SOX5: variants seen among roughly 807,000 people sequenced by gnomAD.
SOX5 encodes transcription factor SOX-5.
SOX5 carries 9 observed loss-of-function variants against 92.0 expected under a neutral mutation model. The ratio of observed to expected loss-of-function variants is 0.10; its 90% CI spans 0.06 to 0.17. The LOEUF is 0.17. Ranked by LOEUF, SOX5 falls within the 10% of genes least tolerant of loss-of-function variation. The probability of loss-of-function intolerance (pLI) is 1.00; values close to 1 mark genes in which losing one functional copy is unlikely to be tolerated. For missense variants in SOX5, 642 were observed against 944.5 expected, an observed-to-expected ratio of 0.68 and a Z score of 4.20; for synonymous variants, 344 against 336.3, an observed-to-expected ratio of 1.02 and a Z score of -0.25.
chr12:24,547,984 AG>A (rs1015391054), intron 1 of SOX5, among the ~76,000 whole-genome samples: 4 of 152,242 alleles, frequency 2.6e-5, no homozygotes, highest in African/African-American at 9.6e-5. Flanking sequence ...CAAAGAATAA[AG>A]TTTATAACCA....
intron 1 of SOX5, among the ~76,000 whole-genome samples, chr12:23,902,504 C>A (rs2097246194): frequency 1.3e-5 from 2 of 152,126 alleles, no homozygotes; most frequent in East Asian, 3.8e-4. Context: ...CCATCCCTTC[C>A]TACCACCATG....
intron 11 of SOX5, among the ~76,000 whole-genome samples, chr12:23,550,643 T>C (rs754402292): frequency 5.3e-5 from 8 of 151,936 alleles, no homozygotes; most frequent in Non-Finnish European, 1.2e-4. Flanking sequence ...TTCCCCTCTT[T>C]GTCTATCATT....
chr12:23,788,747 G>T (rs1047898095), intron 3 of SOX5, among the ~76,000 whole-genome samples: 4 of 151,820 alleles, frequency 2.6e-5, no homozygotes, highest in Non-Finnish European at 5.9e-5. Context: ...ATTCTATATT[G>T]TTGAATAAAC....
chr12:23,715,983 A>G (rs535192861), intron 6 of SOX5, among the ~76,000 whole-genome samples: 5 of 152,314 alleles, frequency 3.3e-5, no homozygotes, highest in Admixed American at 1.3e-4. Context: ...TAAAATTTCC[A>G]TAAGTAAAAA....
intron 9 of SOX5, among the ~76,000 whole-genome samples, chr12:23,587,208 CTATT>C (rs573268022): frequency 1.1e-3 from 170 of 152,054 alleles, no homozygotes; most frequent in African/African-American, 4.0e-3. Context: ...TTTTCTAATA[CTATT>C]TACTCCTTGA....
At chr12:24,243,816 TAA>T (rs566596721) in intron 3 of SOX5, among the ~76,000 whole-genome samples, 47 of 152,224 alleles carry the variant, frequency 3.1e-4, no homozygotes, top group Admixed American at 5.9e-4. Context: ...ACTAATTCAA[TAA>T]AGTTTCTCCA....
At chr12:24,503,984 C>A (rs1223690473) in intron 1 of SOX5, among the ~76,000 whole-genome samples, 8 of 151,420 alleles carry the variant, frequency 5.3e-5, no homozygotes, top group Admixed American at 4.6e-4. Flanking sequence ...AAAAAAAAAA[C>A]AACACATTTT....
At position 23,941,940 on chromosome 12, in the gene SOX5, A is replaced by T. The variant is rs895494054; in HGVS notation, c.38+7624T>A. 5.6e-4 allele frequency among the ~76,000 whole-genome samples: 29 copies of T among 52,068 alleles called. No individual in the cohort carries two copies. In the South Asian group the frequency reaches 0.011, roughly 19 times the overall value. The allele number at this position is 52,068 out of a possible 152,430, so 34.2% of individuals were successfully genotyped here. On this transcript the variant is annotated intron_variant, in intron 1 of 14. Transcript: ENST00000451604. ...ATATTATGAAACTCACTAGCTAATA[A>T]AAAAAAAAAAATGACAAAGGGACCT...
intron 4 of SOX5, among the ~76,000 whole-genome samples, chr12:23,992,542 T>C (rs1238431905): frequency 1.3e-5 from 2 of 152,178 alleles, no homozygotes; most frequent in Non-Finnish European, 2.9e-5. Flanking sequence ...ATTCCATAAA[T>C]GCATCATCTA....
rs562750135 is a variant in SOX5, at chr12:24,127,260, G to A, written c.-2+86083C>T. Reference sequence around the variant, plus strand: ...ACAAAAATTAGCCAGGCATGGTGGCGCATGCCTGTAGTCCCAGCTACTGAG... The same window carrying A: ...ACAAAAATTAGCCAGGCATGGTGGCACATGCCTGTAGTCCCAGCTACTGAG... On this transcript the variant is annotated intron_variant, in intron 4 of 4. Coordinates refer to the SOX5 transcript ENST00000446891. Among the ~76,000 whole-genome samples, 422 of 151,560 alleles carry A rather than the reference G, an allele frequency of 2.8e-3. 3 individuals carry two copies. Among genetic ancestry groups the A allele is most frequent in the African/African-American group, 9.3e-3 (386 of 41,428 alleles).
intron 7 of SOX5, among the ~76,000 whole-genome samples, chr12:23,642,429 C>T (rs955690439): frequency 1.3e-5 from 2 of 152,110 alleles, no homozygotes; most frequent in African/African-American, 4.8e-5. Context: ...AGACAGCCTC[C>T]AGGAAAAGGT....
At chr12:23,821,733 T>C (rs1037465189) in intron 3 of SOX5, among the ~76,000 whole-genome samples, 3 of 152,216 alleles carry the variant, frequency 2.0e-5, no homozygotes, top group Admixed American at 1.3e-4. Flanking sequence ...CAGTATTTTA[T>C]TGAGGATTTT....
chr12:24,434,364 T>A (rs954266405), intron 1 of SOX5, among the ~76,000 whole-genome samples: 1 of 152,190 alleles, frequency 6.6e-6, no homozygotes, highest in African/African-American at 2.4e-5. Flanking sequence ...TAAGTCTGCC[T>A]GGGAGAGAAG....
intron 1 of SOX5, among the ~76,000 whole-genome samples, chr12:24,451,666 A>C (rs2137336144): frequency 6.6e-6 from 1 of 152,328 alleles, no homozygotes; most frequent in Non-Finnish European, 1.5e-5. Context: ...GGGTTTTAGA[A>C]GTCTGCAGGT....
chr12:23,727,916 A>T (rs1312296264), intron 6 of SOX5, among the ~76,000 whole-genome samples: 6 of 152,162 alleles, frequency 3.9e-5, no homozygotes, highest in Non-Finnish European at 8.8e-5. Context: ...ATGAAAATAT[A>T]TACACCTGTC....
In SOX5 at chr12:24,550,817, A is replaced by G. The variant is rs550519102; in HGVS notation, c.-251+11512T>C. On this transcript the variant is annotated intron_variant, in intron 1 of 4. Coordinates refer to the SOX5 transcript ENST00000446891. ...CCTTGTATTGCTAATTCTTTACACA[A>G]TCTCCTTTTATTTCCAAAGCAGTAT... is the stretch of plus-strand genomic sequence containing the variant. Among the ~76,000 whole-genome samples, 10 of 152,200 alleles carry G rather than the reference A, an allele frequency of 6.6e-5. No homozygotes were observed. In the East Asian group the frequency reaches 1.5e-3, roughly 23 times the overall value.
At chr12:23,876,677 A>G (rs1008028594) in intron 2 of SOX5, among the ~76,000 whole-genome samples, 8 of 152,328 alleles carry the variant, frequency 5.3e-5, no homozygotes, top group Admixed American at 1.3e-4. Flanking sequence ...TCATTCTACT[A>G]TAAAGACACA....
chr12:24,292,604 A>G (rs932798175), intron 2 of SOX5, among the ~76,000 whole-genome samples: 2 of 152,202 alleles, frequency 1.3e-5, no homozygotes, highest in East Asian at 1.9e-4. Flanking sequence ...ATAGACCACA[A>G]TTTCACAAAG....
intron 1 of SOX5, among the ~76,000 whole-genome samples, chr12:24,526,014 GCACGCAC>G: frequency 6.6e-6 from 1 of 151,986 alleles, no homozygotes; most frequent in East Asian, 1.9e-4. Flanking sequence ...GGGACCACAA[GCACGCAC>G]CACCATGCCC....
Sources: allele counts gnomAD v4.1 joint callset (sites outside exome capture counted in the v4.1 genomes callset), GRCh38; gene constraint gnomAD v4.1.1; transcripts MANE v1.5; gene names NCBI Gene and HGNC (gene_info 2026-07-23, HGNC 2026-07-21).